The following TMPRSS11F variants were observed in gnomAD, a reference collection of about 807,000 sequenced individuals.
TMPRSS11F encodes transmembrane protease serine 11F.
A neutral mutation model predicts 60.2 loss-of-function variants in TMPRSS11F; 47 were observed. The observed-to-expected ratio is 0.78, with a 90% CI of 0.62 to 1.00. The LOEUF (loss-of-function observed/expected upper bound fraction) is 1.00. Ranked by LOEUF, TMPRSS11F falls within the 50% of genes least tolerant of loss-of-function variation. The pLI is 0.00. For synonymous variants in TMPRSS11F, 166 were observed against 167.3 expected (o/e 0.99, Z 0.06); for missense variants, 519 against 522.9 (o/e 0.99, Z 0.07).
intron 1 of TMPRSS11F, among the ~76,000 whole-genome samples, chr4:68,125,593 C>G (rs530989325): frequency 4.7e-4 from 71 of 152,150 alleles, no homozygotes; most frequent in Middle Eastern, 3.4e-3. Flanking sequence ...AATAATGAAC[C>G]CTTATAATGC....
intron 2 of TMPRSS11F, among the ~76,000 whole-genome samples, chr4:68,096,967 T>C (rs1436882965): frequency 2.6e-5 from 4 of 152,210 alleles, no homozygotes; most frequent in African/African-American, 9.7e-5. Context: ...CTTTCTGCTA[T>C]AAAAATAGGT....
intron 9 of TMPRSS11F, among the ~76,000 whole-genome samples, chr4:68,058,673 A>G (rs368645842): frequency 6.6e-6 from 1 of 152,342 alleles, no homozygotes; most frequent in African/African-American, 2.4e-5. Flanking sequence ...AATAGAACAA[A>G]GAAAGGACAC....
chr4:68,059,394 A>G lies in TMPRSS11F; in HGVS notation c.1090T>C (p.Tyr364His). The G allele has an allele frequency of 6.2e-7, 1 of 1,614,020 alleles. No individual in the cohort carries two copies. Among genetic ancestry groups the G allele is most frequent in the Non-Finnish European group, 8.5e-7 (1 of 1,180,000 alleles). Residue 364 changes from tyrosine to histidine, a missense_variant, in exon 9 of 10, where the codon TAT becomes CAT. Coordinates refer to ENST00000356291, the MANE Select transcript of TMPRSS11F (RefSeq NM_207407.2). ...STDVCNRKDV[Y>H]DGLITPGMLC... is the part of the protein sequence containing the mutation. ...ATTCCTGGAGTTATCAGGCCATCAT[A>G]CACATCCTTTCTGTTACACACATCA...
chr4:68,090,827 T>C (rs544247718), intron 2 of TMPRSS11F, among the ~76,000 whole-genome samples, 186 bp from the exon 3 acceptor site: 3 of 152,272 alleles, frequency 2.0e-5, no homozygotes, highest in African/African-American at 7.2e-5. Context: ...AAATAAAAAA[T>C]TCTGATCCCA....
intron 1 of TMPRSS11F, among the ~76,000 whole-genome samples, chr4:68,117,832 T>A (rs1724557495): frequency 6.6e-6 from 1 of 152,218 alleles, no homozygotes; most frequent in South Asian, 2.1e-4. Flanking sequence ...TCAATCATGA[T>A]ACTTCCATCT....
Position 68,110,436 on chromosome 4 carries a change from A to C in TMPRSS11F, c.12-11398T>G, listed in dbSNP as rs1417240686. Among the ~76,000 whole-genome samples, 3 of 152,176 alleles carry C rather than the reference A, an allele frequency of 2.0e-5. No individual in the cohort carries two copies. The East Asian group carries it at 5.8e-4, about 29-fold the overall frequency. ...AAATCACCAAAACTGGACTGTCTTTAATTATGATCTGCTCTATAGGCAATT... is the reference window on the plus strand; with the variant it reads ...AAATCACCAAAACTGGACTGTCTTTCATTATGATCTGCTCTATAGGCAATT... On this transcript the variant is annotated intron_variant, in intron 1 of 9. Coordinates refer to ENST00000356291, the MANE Select transcript of TMPRSS11F (RefSeq NM_207407.2).
rs778704304 is a variant in TMPRSS11F, at chr4:68,099,163, G to GA, written c.12-126dup. The GA allele has an allele frequency of 6.2e-4, 465 of 750,248 alleles. 1 individual carries two copies. Among genetic ancestry groups the GA allele is most frequent in the Non-Finnish European group, 7.5e-4 (369 of 494,146 alleles). 46.5% of individuals were successfully genotyped at this position (750,248 alleles called of 1,614,324 possible). Reference sequence around the variant, plus strand: ...AATAACAGTGAGCAACTTAGACCTTGAAAAGAACAGTAGGTTTTAATTTGC... The same window carrying GA: ...AATAACAGTGAGCAACTTAGACCTTGAAAAAGAACAGTAGGTTTTAATTTGC... On this transcript the variant is annotated intron_variant, in intron 1 of 9. Coordinates refer to ENST00000356291, the MANE Select transcript of TMPRSS11F (RefSeq NM_207407.2).
chr4:68,062,834 G>A (rs1723220914), intron 8 of TMPRSS11F: 2 of 769,200 alleles, frequency 2.6e-6, no homozygotes, highest in East Asian at 5.1e-5. Flanking sequence ...TTTCCGTAGA[G>A]TTAACTTAAC....
In TMPRSS11F at chr4:68,114,590, C is replaced by T. The variant is rs1207190765; in HGVS notation, c.11+15220G>A. On this transcript the variant is annotated intron_variant, in intron 1 of 9. Coordinates refer to ENST00000356291, the MANE Select transcript of TMPRSS11F (RefSeq NM_207407.2). ...TTAAACAGATTCTGCCAGAAAACAA[C>T]AGATTCTGCCAGAAAATAGAAAAAA... Among the ~76,000 whole-genome samples, 6 of 151,910 alleles carry T rather than the reference C, an allele frequency of 3.9e-5. No individual in the cohort carries two copies. The East Asian group carries it at 7.8e-4, about 20-fold the overall frequency.
intron 1 of TMPRSS11F, among the ~76,000 whole-genome samples, chr4:68,125,920 C>A (rs2109892945): frequency 6.6e-6 from 1 of 152,184 alleles, no homozygotes; most frequent in South Asian, 2.1e-4. Context: ...CATTTTCCTG[C>A]AGATAAACAA....
intron 3 of TMPRSS11F, 112 bp downstream of exon 3, chr4:68,090,411 G>A: frequency 7.1e-7 from 1 of 1,398,748 alleles, no homozygotes; most frequent in Non-Finnish European, 9.4e-7. Context: ...ACATACTATA[G>A]TATCTCCATT....
intron 3 of TMPRSS11F, among the ~76,000 whole-genome samples, chr4:68,078,290 T>C (rs984556247): frequency 1.3e-5 from 2 of 152,030 alleles, no homozygotes; most frequent in Admixed American, 6.6e-5. Flanking sequence ...ACAACTTTTT[T>C]CCCCCCTGGC....
chr4:68,106,649 C>T (rs1724307179), intron 1 of TMPRSS11F, among the ~76,000 whole-genome samples: 1 of 152,084 alleles, frequency 6.6e-6, no homozygotes, highest in South Asian at 2.1e-4. Flanking sequence ...AGCTTCCTAT[C>T]AGCTAGAAAT....
At chr4:68,129,356 T>C (rs1239798919) in intron 1 of TMPRSS11F, among the ~76,000 whole-genome samples, 1 of 152,130 alleles carries the variant, frequency 6.6e-6, no homozygotes. Context: ...TATCATAGTT[T>C]CTATTAGAGT....
chr4:68,094,647 T>C (rs1222915202), intron 2 of TMPRSS11F, among the ~76,000 whole-genome samples: 12 of 151,888 alleles, frequency 7.9e-5, no homozygotes, highest in Admixed American at 7.9e-4. Flanking sequence ...TAATATTTTG[T>C]GGGAAAATAT....
intron 3 of TMPRSS11F, among the ~76,000 whole-genome samples, chr4:68,087,697 TTTTA>T (rs71218930): frequency 0.06 from 8,922 of 149,166 alleles, 722 homozygotes; most frequent in African/African-American, 0.19. Context: ...ATTAGTAGCA[TTTTA>T]TTTATTTATT....
At chr4:68,106,204 G>A (rs1724299773) in intron 1 of TMPRSS11F, among the ~76,000 whole-genome samples, 1 of 152,166 alleles carries the variant, frequency 6.6e-6, no homozygotes. Flanking sequence ...CACAGTAATG[G>A]AGTACACATC....
intron 1 of TMPRSS11F, among the ~76,000 whole-genome samples, chr4:68,111,365 A>C (rs1317339870): frequency 6.6e-6 from 1 of 152,192 alleles, no homozygotes; most frequent in Non-Finnish European, 1.5e-5. Context: ...AAATAAAACA[A>C]AACAAAAAAA....
At chr4:68,086,236 C>T (rs565504284) in intron 3 of TMPRSS11F, among the ~76,000 whole-genome samples, 1 of 152,088 alleles carries the variant, frequency 6.6e-6, no homozygotes, top group Admixed American at 6.6e-5. Context: ...CAAAACCACA[C>T]AACTACATGG....
Sources: gnomAD v4.1 joint callset for allele counts (sites outside exome capture counted in the v4.1 genomes callset) on GRCh38, gnomAD v4.1.1 for gene constraint, MANE v1.5 for transcripts, NCBI Gene and HGNC (gene_info 2026-07-23, HGNC 2026-07-21) for gene names.